Variants in PELP1 observed in about 807,000 individuals in gnomAD.
PELP1 encodes proline-, glutamic acid- and leucine-rich protein 1.
A neutral mutation model predicts 95.5 loss-of-function variants in PELP1; 32 were observed. That is an observed-to-expected ratio of 0.34 (90% CI 0.25 to 0.45). The LOEUF (loss-of-function observed/expected upper bound fraction) is 0.45. Among genes scored for constraint, PELP1 ranks in the 20% least tolerant of loss-of-function variants. The probability of loss-of-function intolerance (pLI) is 1.00; values close to 1 mark genes in which losing one functional copy is unlikely to be tolerated. For missense variants in PELP1, 1,358 were observed against 1,444.8 expected, an observed-to-expected ratio of 0.94 and a Z score of 0.97; for synonymous variants, 668 against 600.1, an observed-to-expected ratio of 1.11 and a Z score of -1.65.
chr17:4,694,497 C>CAA (rs55794918), intron 1 of PELP1, among the ~76,000 whole-genome samples: 4 of 54,624 alleles, frequency 7.3e-5, no homozygotes, highest in Admixed American at 2.6e-4. Flanking sequence ...ACCAAAAATA[C>CAA]AAAAAAAAAA....
rs185599613 is a variant in PELP1, at chr17:4,696,927, T to C, written c.250-5485A>G. ...GGAGGAGCAGGTTTTGGGGTGACAA[T>C]AGGGAGCTCAGTTTCAGATCTGTTC... On this transcript the variant is annotated intron_variant, in intron 1 of 16. Coordinates refer to ENST00000572293, the MANE Select transcript of PELP1 (RefSeq NM_014389.3). 8.0e-5 allele frequency: 12 copies of C among 150,114 alleles called. No homozygotes were observed. The East Asian group carries it at 2.2e-3, about 27-fold the overall frequency. 9.3% of individuals were successfully genotyped at this position (150,114 alleles called of 1,614,324 possible).
Position 4,672,011 on chromosome 17 carries a change from T to C in PELP1, c.2980A>G (p.Lys994Glu), listed in dbSNP as rs1417729653. 4 of 1,572,510 alleles carry C rather than the reference T, an allele frequency of 2.5e-6. No homozygotes were observed. The highest frequency in any genetic ancestry group is 3.4e-6 in the Non-Finnish European group (4 of 1,161,806). The change falls in exon 16 of 17, where the codon AAG (lysine) becomes GAG (glutamate). Residue 994 changes from lysine to glutamate, a missense_variant. Physicochemically the swap from Lys to Glu is moderately conservative, Grantham distance 56. This residue lies in a region of PELP1 where 283 missense variants were observed against 284.1 expected (regional missense o/e 1.00). Transcript: ENST00000572293. Reference protein sequence around the residue: ...PALPPPESPPKVQPEPEPEPG... With the variant: ...PALPPPESPPEVQPEPEPEPG... ...TCAGGTTCGGGTTCTGGCTGCACCTTTGGGGGAGACTCAGGGGGAGGCAGA... is the reference window on the plus strand; with the variant it reads ...TCAGGTTCGGGTTCTGGCTGCACCTCTGGGGGAGACTCAGGGGGAGGCAGA...
chr17:4,673,730 G>C lies in PELP1; in HGVS notation c.1583-56C>G. On this transcript the variant is annotated intron_variant, in intron 13 of 16. Transcript: ENST00000572293. This position sits in a 1 kb window ranked among gnomAD's most constrained non-coding sequence, Gnocchi z 5.7. ...GGCTCCCAACAGACTGACGGCAAGG[G>C]CTTCTGAAGCATACAGCCCAAAATG... 6.7e-7 allele frequency: 1 copy of C among 1,489,638 alleles called. No homozygotes were observed. Among genetic ancestry groups the C allele is most frequent in the South Asian group, 1.1e-5 (1 of 88,604 alleles). The allele number at this position is 1,489,638 out of a possible 1,614,324, so 92.3% of individuals were successfully genotyped here. A position where few individuals can be genotyped will look rare whatever the true frequency, so the allele number is the denominator to read the frequency against.
Position 4,675,479 on chromosome 17 carries a change from A to T in PELP1, c.1069-117T>A. 2 of 745,900 alleles carry T rather than the reference A, an allele frequency of 2.7e-6. No individual in the cohort carries two copies. The highest frequency in any genetic ancestry group is 2.0e-5 in the Admixed American group (1 of 50,050). 46.2% of individuals were successfully genotyped at this position (745,900 alleles called of 1,614,324 possible). A position where few individuals can be genotyped will look rare whatever the true frequency, so the allele number is the denominator to read the frequency against. On this transcript the variant is annotated intron_variant, in intron 9 of 16. Transcript: ENST00000572293. The surrounding 1 kb of genome is among the most constrained non-coding windows in gnomAD (Gnocchi z 4.3). Reference sequence around the variant, plus strand: ...ACATAGGTAAGAAACCCAACCCCTGATCTCAGCTCTCCCAACAAAATCAAA... The same window carrying T: ...ACATAGGTAAGAAACCCAACCCCTGTTCTCAGCTCTCCCAACAAAATCAAA...
In PELP1 at chr17:4,674,976, G is replaced by A; in HGVS notation, c.1275-20C>T. On this transcript the variant is annotated intron_variant, in intron 11 of 16. Transcript: ENST00000572293. ...ACCGTGCTGTGTCATGAGCAAAGAT[G>A]GCAGTTATGAATGGGGGGTCAACAT... 6.2e-7 allele frequency: 1 copy of A among 1,606,084 alleles called. No homozygotes were observed. The highest frequency in any genetic ancestry group is 8.5e-7 in the Non-Finnish European group (1 of 1,173,764).
rs1912306039 is a variant in PELP1, at chr17:4,673,105, G to A, written c.1886C>T (p.Ala629Val). ...FCSEALVTCA[A>V]LTHPRVPPLQ... ...GGGAGGAACCCGGGGGTGGGTCAGA[G>A]CAGCACAGGTCACCAGTGCTTCTGA... The change falls in exon 16 of 17, where the codon GCT (alanine) becomes GTT (valine). Residue 629 changes from alanine to valine, a missense_variant. Physicochemically the swap from Ala to Val is moderately conservative, Grantham distance 64 (BLOSUM62 0). Coordinates refer to ENST00000572293, the MANE Select transcript of PELP1 (RefSeq NM_014389.3). The surrounding 1 kb of genome is among the most constrained non-coding windows in gnomAD (Gnocchi z 5.7). 1.3e-6 allele frequency: 2 copies of A among 1,525,882 alleles called. No homozygotes were observed. The highest frequency in any genetic ancestry group is 1.3e-5 in the South Asian group (1 of 75,672). The allele number at this position is 1,525,882 out of a possible 1,614,324, so 94.5% of individuals were successfully genotyped here.
chr17:4,683,440 T>G (rs1281011946), intron 3 of PELP1, among the ~76,000 whole-genome samples: 2 of 150,792 alleles, frequency 1.3e-5, no homozygotes, highest in Non-Finnish European at 3.0e-5. Flanking sequence ...CAGGATGGTC[T>G]CGATCTCCGA....
At chr17:4,702,929 G>A (rs917602782) in intron 1 of PELP1, among the ~76,000 whole-genome samples, 2 of 152,088 alleles carry the variant, frequency 1.3e-5, no homozygotes, top group African/African-American at 4.8e-5. Context: ...AGCTAGAATG[G>A]GAGCAATGAG....
chr17:4,683,290 G>A (rs1301485651), intron 3 of PELP1, among the ~76,000 whole-genome samples: 55 of 147,650 alleles, frequency 3.7e-4, no homozygotes, highest in African/African-American at 1.1e-3. Flanking sequence ...GCGCGATCTC[G>A]GCTCACTGCA....
rs376872107 is a variant in PELP1, at chr17:4,674,662, C to T, written c.1430G>A (p.Ser477Asn). 4.4e-5 allele frequency: 71 copies of T among 1,596,760 alleles called. No homozygotes were observed. Among genetic ancestry groups the T allele is most frequent in the Non-Finnish European group, 5.6e-5 (66 of 1,174,960 alleles). ...SPPADALKLR[S>N]PRGSPDGSLQ... ...ACTCCCATCAGGGCTCCCCCGCGGGCTACGCAGCTGGAGGCAGAGAAAACA... is the reference window on the plus strand; with the variant it reads ...ACTCCCATCAGGGCTCCCCCGCGGGTTACGCAGCTGGAGGCAGAGAAAACA... Residue 477 changes from serine (S) to asparagine (N), a missense_variant, in exon 13 of 17, where the codon AGC (serine) becomes AAC (asparagine). Ser to Asn is a conservative substitution (Grantham distance 46). Around this residue, in one of 7 missense-constraint regions of PELP1, gnomAD observed 538 missense variants for 628.1 expected, o/e 0.86. Coordinates refer to ENST00000572293, the MANE Select transcript of PELP1 (RefSeq NM_014389.3).
At chr17:4,676,575 C>G (rs576797270) in intron 6 of PELP1, 68 bp from the exon 7 acceptor site, 1 of 1,575,004 alleles carries the variant, frequency 6.3e-7, no homozygotes, top group Non-Finnish European at 8.7e-7. Context: ...CCCAGCCCCA[C>G]TGACACCCAA....
At chr17:4,674,180 G>A (rs1466558519) in intron 13 of PELP1, among the ~76,000 whole-genome samples, 1 of 152,232 alleles carries the variant, frequency 6.6e-6, no homozygotes, top group Non-Finnish European at 1.5e-5. Flanking sequence ...AACGCCGGAG[G>A]AAGCGAAGGC....
In PELP1 at chr17:4,675,707, C is replaced by T. The variant is rs752358435; in HGVS notation, c.1068+90G>A. The T allele has an allele frequency of 1.5e-5, 14 of 910,356 alleles. No homozygotes were observed. Among genetic ancestry groups the T allele is most frequent in the Non-Finnish European group, 2.3e-5 (13 of 561,068 alleles). The allele number at this position is 910,356 out of a possible 1,614,324, so 56.4% of individuals were successfully genotyped here. On this transcript the variant is annotated intron_variant, in intron 9 of 16. Transcript: ENST00000572293. This position sits in a 1 kb window ranked among gnomAD's most constrained non-coding sequence, Gnocchi z 4.3. Reference sequence around the variant, plus strand: ...GCTCTCTGGGACGACTCCAGGATGACACTGTTTGGGGAGACTCAGGTCCCC... The same window carrying T: ...GCTCTCTGGGACGACTCCAGGATGATACTGTTTGGGGAGACTCAGGTCCCC...
At chr17:4,684,046 A>G (rs766144685) in intron 3 of PELP1, among the ~76,000 whole-genome samples, 28 of 152,082 alleles carry the variant, frequency 1.8e-4, no homozygotes, top group African/African-American at 6.8e-4. Flanking sequence ...GGTTGTTGCT[A>G]ACTGGCTCAA....
At chr17:4,683,788 C>CT (rs946383254) in intron 3 of PELP1, among the ~76,000 whole-genome samples, 1 of 942 alleles carries the variant, frequency 1.1e-3, no homozygotes, top group Non-Finnish European at 0.062. Context: ...ACTTCAGACT[C>CT]CAAAGTGCTA....
chr17:4,684,257 TCCTA>T (rs2083932110), intron 3 of PELP1, among the ~76,000 whole-genome samples: 1 of 152,122 alleles, frequency 6.6e-6, no homozygotes, highest in African/African-American at 2.4e-5. Context: ...TGTCCAGTAA[TCCTA>T]CCACATTTCT....
At chr17:4,702,664 A>C (rs1320726162) in intron 1 of PELP1, among the ~76,000 whole-genome samples, 1 of 152,132 alleles carries the variant, frequency 6.6e-6, no homozygotes, top group South Asian at 2.1e-4. Context: ...ATCTGGGGCT[A>C]AGGTTATTGA....
intron 1 of PELP1, among the ~76,000 whole-genome samples, chr17:4,700,208 G>A (rs1403334086): frequency 6.6e-6 from 1 of 152,110 alleles, no homozygotes; most frequent in Non-Finnish European, 1.5e-5. Flanking sequence ...CCTGGCCGAG[G>A]ATGAAGTTTT....
chr17:4,682,650 A>G, intron 4 of PELP1, 77 bp from the exon 5 acceptor site: 3 of 1,442,306 alleles, frequency 2.1e-6, no homozygotes, highest in Non-Finnish European at 2.9e-6. Flanking sequence ...AGCACCCCAC[A>G]AGGGCCCTTC....
Sources: allele counts gnomAD v4.1 joint callset (sites outside exome capture counted in the v4.1 genomes callset), GRCh38; gene constraint gnomAD v4.1.1; regional missense constraint gnomAD v4.1.1; non-coding constraint Gnocchi (gnomAD v3.1); transcripts MANE v1.5; gene names NCBI Gene and HGNC (gene_info 2026-07-23, HGNC 2026-07-21).